Variants in CREB1 observed in about 807,000 individuals in gnomAD.
CREB1 encodes cyclic AMP-responsive element-binding protein 1.
A neutral mutation model predicts 42.0 loss-of-function variants in CREB1; 2 were observed. That is an observed-to-expected ratio of 0.05 (90% CI 0.02 to 0.15). The LOEUF (loss-of-function observed/expected upper bound fraction) is 0.15, where lower values mean the gene tolerates loss of function less well. Ranked by LOEUF, CREB1 falls within the 10% of genes least tolerant of loss-of-function variation. CREB1 has a pLI of 1.00. For missense variants in CREB1, 199 were observed against 388.9 expected (o/e 0.51, Z 4.11); for synonymous variants, 123 against 139.9 (o/e 0.88, Z 0.85).
intron 1 of CREB1, among the ~76,000 whole-genome samples, chr2:207,551,697 G>A (rs968128093): frequency 1.3e-5 from 2 of 151,998 alleles, no homozygotes; most frequent in African/African-American, 2.4e-5. Context: ...ATTTTATTAC[G>A]TGGCCATGTA....
At chr2:207,555,149 T>C (rs1022083080) in intron 1 of CREB1, among the ~76,000 whole-genome samples, 14 of 152,210 alleles carry the variant, frequency 9.2e-5, no homozygotes, top group Admixed American at 3.3e-4. Context: ...TAGCTTACAA[T>C]TGCTGTTTCT....
rs546856266 is a variant in CREB1 at position 207,542,445 on chromosome 2, G to T, written c.-9+12311G>T. ...CTAATGATATCAAGCTGCTTTTCAT[G>T]TGCTGATTTGGCCATTTGTATATCT... On this transcript the variant is annotated intron_variant, in intron 1 of 7. Coordinates refer to ENST00000353267, the MANE Select transcript of CREB1 (RefSeq NM_004379.5). 8.1e-4 allele frequency among the ~76,000 whole-genome samples: 123 copies of T among 152,188 alleles called. 1 individual carries two copies. The highest frequency in any genetic ancestry group is 2.8e-3 in the African/African-American group (118 of 41,514).
chr2:207,603,797 T>C lies in CREB1; in HGVS notation c.*6739T>C, dbSNP rs1341245748. Among the ~76,000 whole-genome samples, 2 of 152,144 alleles carry C rather than the reference T, an allele frequency of 1.3e-5. No individual in the cohort carries two copies. The highest frequency in any genetic ancestry group is 2.9e-5 in the Non-Finnish European group (2 of 68,032). ...GCAATTCTAAAACTCTGTGATCATATAAATTGGAAGGAAAGGGGAGGGGAT... is the reference window on the plus strand; with the variant it reads ...GCAATTCTAAAACTCTGTGATCATACAAATTGGAAGGAAAGGGGAGGGGAT... On this transcript the variant is annotated 3_prime_UTR_variant, in exon 8 of 8. Transcript: ENST00000353267.
At chr2:207,584,609 C>T (rs1204279835) in intron 7 of CREB1, among the ~76,000 whole-genome samples, 1 of 152,130 alleles carries the variant, frequency 6.6e-6, no homozygotes, top group East Asian at 1.9e-4. Context: ...GCCATGTTGG[C>T]CAGGCTGGTT....
intron 1 of CREB1, among the ~76,000 whole-genome samples, chr2:207,547,945 A>G (rs1362001273): frequency 6.6e-6 from 1 of 151,418 alleles, no homozygotes; most frequent in African/African-American, 2.4e-5. Context: ...TTTTTTTTTA[A>G]ATTGAGATGG....
intron 3 of CREB1, among the ~76,000 whole-genome samples, chr2:207,563,941 C>G (rs956373324): frequency 2.0e-5 from 3 of 151,890 alleles, no homozygotes; most frequent in African/African-American, 7.3e-5. Context: ...GAGACTCTGT[C>G]TCAAAAAATA....
intron 5 of CREB1, among the ~76,000 whole-genome samples, chr2:207,571,491 A>G (rs1174171281): frequency 6.6e-6 from 1 of 152,188 alleles, no homozygotes; most frequent in East Asian, 1.9e-4. Flanking sequence ...CAAGGCTGAA[A>G]CTTTTGAGAC....
intron 2 of CREB1, among the ~76,000 whole-genome samples, chr2:207,558,834 G>C (rs1297170346): frequency 1.3e-5 from 2 of 151,912 alleles, no homozygotes; most frequent in African/African-American, 4.8e-5. Flanking sequence ...GTAGAGATGG[G>C]GTTTCACCAT....
At chr2:207,543,517 G>C (rs1200000236) in intron 1 of CREB1, among the ~76,000 whole-genome samples, 6 of 152,028 alleles carry the variant, frequency 3.9e-5, no homozygotes, top group Non-Finnish European at 1.5e-5. Context: ...AGTAAGTAAG[G>C]CGTAGTCTTC....
chr2:207,534,317 A>G (rs938482843), intron 1 of CREB1, among the ~76,000 whole-genome samples: 1 of 152,042 alleles, frequency 6.6e-6, no homozygotes, highest in African/African-American at 2.4e-5. Context: ...GCTCACGGCA[A>G]CCTCTGCTTC....
intron 1 of CREB1, among the ~76,000 whole-genome samples, chr2:207,531,725 C>T (rs565447632): frequency 3.0e-4 from 46 of 152,320 alleles, no homozygotes; most frequent in African/African-American, 1.1e-3. Context: ...AAATACTTGT[C>T]TGTCACTGTA....
intron 1 of CREB1, among the ~76,000 whole-genome samples, chr2:207,544,598 G>A (rs2081228187): frequency 1.3e-5 from 2 of 152,106 alleles, no homozygotes; most frequent in Non-Finnish European, 1.5e-5. Flanking sequence ...TGCAGGATGT[G>A]CAGGTTTGTT....
intron 7 of CREB1, among the ~76,000 whole-genome samples, chr2:207,590,103 T>TA (rs2084717505): frequency 7.1e-6 from 1 of 140,224 alleles, no homozygotes; most frequent in Admixed American, 7.5e-5. Context: ...TTTTTTTTTT[T>TA]TTTTAATAGA....
intron 7 of CREB1, among the ~76,000 whole-genome samples, chr2:207,592,890 C>T (rs186539919): frequency 7.6e-5 from 11 of 145,170 alleles, no homozygotes; most frequent in Admixed American, 2.1e-4. Context: ...TCCAGCCTGG[C>T]GACAGAGCAA....
At chr2:207,557,373 A>T (rs1052440255) in intron 2 of CREB1, among the ~76,000 whole-genome samples, 47 of 152,102 alleles carry the variant, frequency 3.1e-4, no homozygotes, top group African/African-American at 9.9e-4. Flanking sequence ...CTGAGTAAAG[A>T]TAGCATGTTA....
In CREB1 at chr2:207,601,244, TGGTG is replaced by T. The variant is rs1226250609; in HGVS notation, c.*4187_*4190del. ...TTACATTCTGTCCTTTGTAAATGTT[TGGTG>T]TAACTTGCACTTTTTTAAATGACCC... On this transcript the variant is annotated 3_prime_UTR_variant, in exon 8 of 8. Coordinates refer to ENST00000353267, the MANE Select transcript of CREB1 (RefSeq NM_004379.5). 2.2e-5 allele frequency: 4 copies of T among 185,656 alleles called. No homozygotes were observed. Among genetic ancestry groups the T allele is most frequent in the Admixed American group, 1.2e-4 (2 of 16,088 alleles). 11.5% of individuals were successfully genotyped at this position (185,656 alleles called of 1,614,324 possible).
rs573459246 is a variant in CREB1 at position 207,582,914 on chromosome 2, A to C, written c.839+5259A>C. 7.3e-3 allele frequency: 1,974 copies of C among 271,224 alleles called. 32 individuals are homozygous for C. Among genetic ancestry groups the C allele is most frequent in the African/African-American group, 0.03 (1,208 of 40,906 alleles). The allele number at this position is 271,224 out of a possible 1,614,324, so 16.8% of individuals were successfully genotyped here. ...TCAAAAAAACAAACAAACAAACAAA[A>C]AAAAATATATATATATACATACACA... On this transcript the variant is annotated intron_variant, in intron 7 of 7. Transcript: ENST00000353267.
chr2:207,571,659 A>G (rs1181100298), intron 5 of CREB1: 2 of 440,340 alleles, frequency 4.5e-6, no homozygotes, highest in African/African-American at 4.0e-5. Flanking sequence ...GAAGCCTCAT[A>G]CCAGATGCTT....
chr2:207,548,008 C>G (rs560381018), intron 1 of CREB1, among the ~76,000 whole-genome samples: 1 of 151,968 alleles, frequency 6.6e-6, no homozygotes, highest in East Asian at 1.9e-4. Context: ...AATCTCGACT[C>G]ACTACAACCC....
Sources: allele counts gnomAD v4.1 joint callset (sites outside exome capture counted in the v4.1 genomes callset), GRCh38; gene constraint gnomAD v4.1.1; transcripts MANE v1.5; gene names NCBI Gene and HGNC (gene_info 2026-07-23, HGNC 2026-07-21).